RHOU: variants seen among roughly 807,000 people sequenced by gnomAD.
RHOU encodes the protein rho-related GTP-binding protein RhoU.
In RHOU, 8 loss-of-function variants were observed where a neutral mutation model predicts 12.6. That is an observed-to-expected ratio of 0.64 (90% CI 0.37 to 1.15). RHOU has a LOEUF of 1.15. Ranked by LOEUF, RHOU falls within the 50% of genes most tolerant of loss-of-function variation. The pLI, the probability that RHOU is intolerant of heterozygous loss-of-function variation, is 0.01. For missense variants in RHOU, 258 were observed against 347.0 expected (o/e 0.74, Z 2.04); for synonymous variants, 161 against 147.4 (o/e 1.09, Z -0.67).
the RHOU span, among the ~76,000 whole-genome samples, chr1:228,713,828 G>T: frequency 6.6e-6 from 1 of 152,118 alleles, no homozygotes; most frequent in African/African-American, 2.4e-5. Context: ...CCAACTGTGG[G>T]ATCTGACCCT....
the RHOU span, among the ~76,000 whole-genome samples, chr1:228,679,425 G>A: frequency 4.1e-4 from 57 of 138,152 alleles, no homozygotes; most frequent in African/African-American, 1.5e-3. Flanking sequence ...GGACAGGGGA[G>A]TGTGGAAAGG....
the RHOU span, among the ~76,000 whole-genome samples, chr1:228,697,413 T>G: frequency 6.6e-6 from 1 of 152,276 alleles, no homozygotes; most frequent in African/African-American, 2.4e-5. Flanking sequence ...TCAGATGTGA[T>G]GTGTGGTTTG....
chr1:228,720,714 C>A, the RHOU span, among the ~76,000 whole-genome samples: 1 of 152,240 alleles, frequency 6.6e-6, no homozygotes, highest in Non-Finnish European at 1.5e-5. Context: ...ACCACCCAAT[C>A]TACAGTGCTT....
At chr1:228,713,314 T>A in the RHOU span, among the ~76,000 whole-genome samples, 9 of 152,198 alleles carry the variant, frequency 5.9e-5, no homozygotes, top group Non-Finnish European at 1.0e-4. Flanking sequence ...ATCATGCCTA[T>A]GTAATAAAGC....
the RHOU span, among the ~76,000 whole-genome samples, chr1:228,686,266 G>A: frequency 7.9e-5 from 12 of 152,162 alleles, no homozygotes; most frequent in African/African-American, 2.4e-4. Flanking sequence ...ATAGTGATTA[G>A]TACTTTGTAG....
At chr1:228,706,499 T>C in the RHOU span, among the ~76,000 whole-genome samples, 2 of 152,226 alleles carry the variant, frequency 1.3e-5, no homozygotes, top group East Asian at 3.8e-4. Flanking sequence ...TAACTGCCTA[T>C]GATTGGCTGG....
the RHOU span, among the ~76,000 whole-genome samples, chr1:228,689,957 C>A: frequency 6.6e-6 from 1 of 151,984 alleles, no homozygotes; most frequent in African/African-American, 2.4e-5. Flanking sequence ...TCAGCAAGAA[C>A]TTTCTCTTCC....
Position 228,743,670 on chromosome 1 carries a change from A to G in RHOU, c.707A>G (p.Lys236Arg). ...SDTQQQPKKS[K>R]SRTPDKMKNL... The stretch of plus-strand genomic sequence containing the variant: ...ACTCAGCAACAGCCAAAGAAGTCTA[A>G]AAGCAGGACTCCAGATAAAATGAAA... The change falls in exon 3 of 3, where the codon AAA becomes AGA. Residue 236 changes from lysine to arginine, a missense_variant. Transcript: ENST00000366691. The surrounding 1 kb of genome is among the most constrained non-coding windows in gnomAD (Gnocchi z 5.1). The G allele has an allele frequency of 6.2e-7, 1 of 1,614,182 alleles. No homozygotes were observed. The highest frequency in any genetic ancestry group is 8.5e-7 in the Non-Finnish European group (1 of 1,180,026).
chr1:228,681,488 G>A, the RHOU span, among the ~76,000 whole-genome samples: 1 of 152,040 alleles, frequency 6.6e-6, no homozygotes, highest in African/African-American at 2.4e-5. Context: ...CAGGCGGGAG[G>A]GAAAGAAGGA....
At chr1:228,650,290 A>G in the RHOU span, 3 of 465,058 alleles carry the variant, frequency 6.5e-6, no homozygotes, top group Non-Finnish European at 1.3e-5. Flanking sequence ...GATGCTCCGC[A>G]AGGAGGCAGC....
chr1:228,661,484 T>C, the RHOU span, among the ~76,000 whole-genome samples: 1 of 152,088 alleles, frequency 6.6e-6, no homozygotes, highest in African/African-American at 2.4e-5. Flanking sequence ...AACAGAGATA[T>C]AGACCAATGG....
chr1:228,716,238 C>T, the RHOU span, among the ~76,000 whole-genome samples: 7 of 152,132 alleles, frequency 4.6e-5, no homozygotes, highest in South Asian at 2.1e-4. Flanking sequence ...TAAAAAAGCC[C>T]GCTTTACTTT....
At chr1:228,694,199 G>C in the RHOU span, among the ~76,000 whole-genome samples, 1 of 152,144 alleles carries the variant, frequency 6.6e-6, no homozygotes. Context: ...AATTGGAGTG[G>C]ATACGGTTAC....
At chr1:228,687,047 G>A in the RHOU span, among the ~76,000 whole-genome samples, 1 of 152,158 alleles carries the variant, frequency 6.6e-6, no homozygotes, top group Non-Finnish European at 1.5e-5. Context: ...GCCGGCAAGG[G>A]AGAATTTAAG....
At chr1:228,667,673 C>T in the RHOU span, among the ~76,000 whole-genome samples, 1 of 152,074 alleles carries the variant, frequency 6.6e-6, no homozygotes, top group East Asian at 1.9e-4. Context: ...TTTGATGTTA[C>T]CTTTGATCAA....
the RHOU span, among the ~76,000 whole-genome samples, chr1:228,657,757 G>A: frequency 2.6e-5 from 4 of 152,194 alleles, no homozygotes; most frequent in Admixed American, 2.0e-4. Flanking sequence ...ACATTCTCCA[G>A]TATAGACCAT....
chr1:228,713,890 C>G, the RHOU span, among the ~76,000 whole-genome samples: 2 of 152,250 alleles, frequency 1.3e-5, no homozygotes, highest in East Asian at 3.9e-4. Context: ...CAGCTTGTGT[C>G]TGCTGTAGAT....
the RHOU span, among the ~76,000 whole-genome samples, chr1:228,675,374 TTTTG>T: frequency 6.6e-6 from 1 of 152,204 alleles, no homozygotes; most frequent in Non-Finnish European, 1.5e-5. Flanking sequence ...TTGTAGCTAC[TTTTG>T]TTTATTTCCA....
At chr1:228,660,701 A>T in the RHOU span, among the ~76,000 whole-genome samples, 1 of 151,812 alleles carries the variant, frequency 6.6e-6, no homozygotes, top group Non-Finnish European at 1.5e-5. Flanking sequence ...TAGGAGGCCG[A>T]GGTGGGTGGA....
Sources: allele counts gnomAD v4.1 joint callset (sites outside exome capture counted in the v4.1 genomes callset), GRCh38; gene constraint gnomAD v4.1.1; non-coding constraint Gnocchi (gnomAD v3.1); transcripts MANE v1.5; gene names NCBI Gene and HGNC (gene_info 2026-07-23, HGNC 2026-07-21).